Variants in BFSP2 observed in about 807,000 individuals in gnomAD.
BFSP2 encodes the protein phakinin.
BFSP2 carries 38 observed loss-of-function variants against 44.9 expected under a neutral mutation model. The observed-to-expected ratio is 0.85, with a 90% CI of 0.65 to 1.11. The LOEUF is 1.11. Among genes scored for constraint, BFSP2 ranks in the 50% least tolerant of loss-of-function variants. BFSP2 has a pLI of 0.00. For synonymous variants in BFSP2, 197 were observed against 209.9 expected, an observed-to-expected ratio of 0.94 and a Z score of 0.53; for missense variants, 525 against 533.0, an observed-to-expected ratio of 0.99 and a Z score of 0.15.
At chr3:133,466,731 T>C in intron 4 of BFSP2, 97 bp from the exon 5 acceptor site, 1 of 1,300,544 alleles carries the variant, frequency 7.7e-7, no homozygotes, top group Non-Finnish European at 1.1e-6. Flanking sequence ...TTTCCTCTGG[T>C]TAGAGGCAGT....
intron 1 of BFSP2, chr3:133,429,535 A>G (rs2073687958): frequency 6.6e-6 from 1 of 152,364 alleles, no homozygotes; most frequent in African/African-American, 2.4e-5. Flanking sequence ...CTCAAAGTCC[A>G]CCAATGTCAA....
chr3:133,407,333 A>G (rs1051898852), intron 1 of BFSP2, among the ~76,000 whole-genome samples: 14 of 152,246 alleles, frequency 9.2e-5, no homozygotes, highest in Admixed American at 6.5e-4. Context: ...TCCAAAGTCT[A>G]TATTAGACAA....
At chr3:133,467,723 T>C (rs2074125308) in intron 5 of BFSP2, among the ~76,000 whole-genome samples, 1 of 152,232 alleles carries the variant, frequency 6.6e-6, no homozygotes, top group Non-Finnish European at 1.5e-5. Flanking sequence ...AAACATCTTT[T>C]CTTAGATGTC....
chr3:133,469,200 T>G (rs931367475), intron 5 of BFSP2, among the ~76,000 whole-genome samples: 1 of 152,228 alleles, frequency 6.6e-6, no homozygotes, highest in Non-Finnish European at 1.5e-5. Flanking sequence ...CTGGTTCTAG[T>G]AGATTATCGT....
intron 1 of BFSP2, among the ~76,000 whole-genome samples, chr3:133,427,262 G>A (rs2073662752): frequency 6.6e-6 from 1 of 152,192 alleles, no homozygotes. Flanking sequence ...CCATTGGTGG[G>A]ACTTCAGTGC....
chr3:133,411,291 T>A (rs1223582667), intron 1 of BFSP2, among the ~76,000 whole-genome samples: 2 of 151,966 alleles, frequency 1.3e-5, no homozygotes, highest in Non-Finnish European at 2.9e-5. Context: ...CCTGCCTTTC[T>A]TATAAGACCT....
chr3:133,419,308 C>T (rs1161408737), intron 1 of BFSP2, among the ~76,000 whole-genome samples: 6 of 152,172 alleles, frequency 3.9e-5, no homozygotes, highest in Non-Finnish European at 8.8e-5. Flanking sequence ...AGGAAGGACA[C>T]GATTCAGCCC....
At chr3:133,416,017 C>G (rs2073523469) in intron 1 of BFSP2, among the ~76,000 whole-genome samples, 1 of 136,494 alleles carries the variant, frequency 7.3e-6, no homozygotes, top group African/African-American at 2.8e-5. Flanking sequence ...ACCCCGTCCT[C>G]TCCCCTCTAC....
chr3:133,436,325 C>CAAAAAA lies in BFSP2; in HGVS notation c.490-10976_490-10971dup, dbSNP rs57060416. Among the ~76,000 whole-genome samples the CAAAAAA allele has an allele frequency of 3.5e-4, 27 of 78,092 alleles. 1 individual carries two copies. Among genetic ancestry groups the CAAAAAA allele is most frequent in the African/African-American group, 1.2e-3 (27 of 22,150 alleles). 51.2% of individuals were successfully genotyped at this position (78,092 alleles called of 152,430 possible). ...AGGGTGACAGAGAGAGACTCTGTCT[C>CAAAAAA]AAAAAAAAAAAAAAAAAAAAATCTA... is the stretch of plus-strand genomic sequence containing the variant. On this transcript the variant is annotated intron_variant, in intron 1 of 6. Coordinates refer to ENST00000302334, the MANE Select transcript of BFSP2 (RefSeq NM_003571.4).
chr3:133,427,569 C>T (rs910645058), intron 1 of BFSP2, among the ~76,000 whole-genome samples: 9 of 152,204 alleles, frequency 5.9e-5, no homozygotes, highest in African/African-American at 1.9e-4. Flanking sequence ...ATCCCACCTC[C>T]CTGCTCCTCA....
At chr3:133,454,904 C>A (rs1177250587) in intron 4 of BFSP2, among the ~76,000 whole-genome samples, 1 of 152,108 alleles carries the variant, frequency 6.6e-6, no homozygotes, top group Non-Finnish European at 1.5e-5. Flanking sequence ...ACCTTTTAAA[C>A]TTTTTTTGTT....
intron 6 of BFSP2, 66 bp from the exon 7 acceptor site, chr3:133,474,903 C>T: frequency 6.3e-7 from 1 of 1,593,748 alleles, no homozygotes; most frequent in East Asian, 2.2e-5. Flanking sequence ...TTCTCGTAAT[C>T]CTATTGTGAT....
At chr3:133,450,002 GA>G (rs2073944558) in intron 3 of BFSP2, among the ~76,000 whole-genome samples, 5 of 117,950 alleles carry the variant, frequency 4.2e-5, no homozygotes, top group Admixed American at 1.7e-4. Context: ...AGGAAGGAAG[GA>G]AGGAAGGAAG....
intron 5 of BFSP2, among the ~76,000 whole-genome samples, chr3:133,469,134 G>T (rs180901793): frequency 6.6e-6 from 1 of 152,236 alleles, no homozygotes; most frequent in Non-Finnish European, 1.5e-5. Context: ...GAAAACTTCA[G>T]AGTAGTGCCA....
intron 1 of BFSP2, among the ~76,000 whole-genome samples, chr3:133,405,149 A>G (rs2107875489): frequency 6.6e-6 from 1 of 152,328 alleles, no homozygotes; most frequent in Non-Finnish European, 1.5e-5. Context: ...GTGTCAAAAC[A>G]AAAGGAACAG....
In BFSP2 at chr3:133,400,365, C is replaced by T. The variant is rs781206833; in HGVS notation, c.282C>T (p.Ala94=). 2 of 1,614,058 alleles carry T rather than the reference C, an allele frequency of 1.2e-6. No individual in the cohort carries two copies. The highest frequency in any genetic ancestry group is 1.7e-6 in the Non-Finnish European group (2 of 1,180,040). ...AGGGCCTGCGGAGCTCAGGCCTGGC[C>T]ACCGTGCCGGCTCCAGGTTTGGAGA... ...FLQGLRSSGL[A]TVPAPGLERD... is the part of the protein sequence containing the mutation. The change falls in exon 1 of 7, where the codon GCC becomes GCT. Residue 94 remains alanine, a synonymous_variant. Coordinates refer to ENST00000302334, the MANE Select transcript of BFSP2 (RefSeq NM_003571.4). This position sits in a 1 kb window ranked among gnomAD's most constrained non-coding sequence, Gnocchi z 4.0.
intron 4 of BFSP2, among the ~76,000 whole-genome samples, chr3:133,458,724 C>G (rs138284845): frequency 4.4e-4 from 67 of 151,898 alleles, no homozygotes; most frequent in African/African-American, 1.5e-3. Context: ...CAAAAAAACA[C>G]AGACATTGTA....
chr3:133,404,029 G>C (rs1576554833), intron 1 of BFSP2, among the ~76,000 whole-genome samples: 2 of 152,198 alleles, frequency 1.3e-5, no homozygotes, highest in Admixed American at 1.3e-4. Flanking sequence ...CACTATGTAA[G>C]TTTGGGGCCA....
chr3:133,469,889 T>C (rs921275050), intron 5 of BFSP2, among the ~76,000 whole-genome samples: 8 of 152,242 alleles, frequency 5.3e-5, no homozygotes, highest in African/African-American at 1.9e-4. Context: ...TCAGGCCACA[T>C]GAAGAACTCA....
Sources: allele counts gnomAD v4.1 joint callset (sites outside exome capture counted in the v4.1 genomes callset), GRCh38; gene constraint gnomAD v4.1.1; non-coding constraint Gnocchi (gnomAD v3.1); transcripts MANE v1.5; gene names NCBI Gene and HGNC (gene_info 2026-07-23, HGNC 2026-07-21).